Variants in MAPKAPK5 observed in about 807,000 individuals in gnomAD.
MAPKAPK5 encodes the protein MAPK activated protein kinase 5.
Under a neutral mutation model 65.1 loss-of-function variants are expected in MAPKAPK5, and 30 were observed. The observed-to-expected ratio is 0.46, with a 90% confidence interval of 0.34 to 0.63. MAPKAPK5 has a LOEUF of 0.63. Among genes scored for constraint, MAPKAPK5 ranks in the 20% least tolerant of loss-of-function variants. The pLI is 0.01. For missense variants in MAPKAPK5, 433 were observed against 581.4 expected (o/e 0.74, Z 2.63); for synonymous variants, 179 against 204.6 (o/e 0.87, Z 1.07).
rs895073134 is a variant in MAPKAPK5, at chr12:111,898,652, A to G, written c.*5591A>G. On this transcript the variant is annotated 3_prime_UTR_variant, in exon 14 of 14. Coordinates refer to ENST00000550735, the MANE Select transcript of MAPKAPK5 (RefSeq NM_003668.4). ...ATCTAAACTCATTTGTTATGAACCA[A>G]CGATAATGAGGGAAAACTTGGACAT... 1.3e-5 allele frequency: 2 copies of G among 152,218 alleles called. No homozygotes were observed. Among genetic ancestry groups the G allele is most frequent in the Non-Finnish European group, 2.9e-5 (2 of 68,038 alleles). The allele number at this position is 152,218 out of a possible 1,614,324, so 9.4% of individuals were successfully genotyped here. A position where few individuals can be genotyped will look rare whatever the true frequency, so the allele number is the denominator to read the frequency against.
intron 1 of MAPKAPK5, among the ~76,000 whole-genome samples, chr12:111,862,739 T>C (rs183404571): frequency 6.6e-6 from 1 of 152,264 alleles, no homozygotes; most frequent in Admixed American, 6.5e-5. Context: ...AGACAACTTA[T>C]TTTTACATCC....
At chr12:111,845,696 C>T (rs903494596) in intron 1 of MAPKAPK5, among the ~76,000 whole-genome samples, 2 of 152,012 alleles carry the variant, frequency 1.3e-5, no homozygotes, top group South Asian at 2.1e-4. Flanking sequence ...CCTAGGCGGG[C>T]GGATCACCTG....
chr12:111,847,344 CAA>C (rs58150812), intron 1 of MAPKAPK5, among the ~76,000 whole-genome samples: 9 of 103,268 alleles, frequency 8.7e-5, no homozygotes, highest in Admixed American at 1.1e-4. Context: ...TGAGACTCTG[CAA>C]AAAAAAAAAA....
rs1566277268 is a variant in MAPKAPK5, at chr12:111,888,943, A to G, written c.1159A>G (p.Asn387Asp). The stretch of plus-strand genomic sequence containing the variant: ...CCATGAGAATGGAGCCGAGGATTCC[A>G]ATGTTGCCTTGGAAAAACTCCGAGA... ...HDHENGAEDS[N>D]VALEKLRDVI... Residue 387 changes from asparagine to aspartate, a missense_variant, in exon 12 of 14, where the codon AAT becomes GAT. Asn to Asp is a conservative substitution (Grantham distance 23). Coordinates refer to ENST00000550735, the MANE Select transcript of MAPKAPK5 (RefSeq NM_003668.4). The G allele has an allele frequency of 1.2e-6, 2 of 1,612,216 alleles. No homozygotes were observed. Among genetic ancestry groups the G allele is most frequent in the Non-Finnish European group, 1.7e-6 (2 of 1,179,256 alleles).
intron 8 of MAPKAPK5, among the ~76,000 whole-genome samples, chr12:111,881,626 G>A (rs1460853219): frequency 1.4e-5 from 2 of 144,872 alleles, no homozygotes; most frequent in African/African-American, 5.1e-5. Context: ...GGTTGGTCCT[G>A]AATTCCTGAC....
Position 111,885,938 on chromosome 12 carries a change from G to C in MAPKAPK5, c.871G>C (p.Glu291Gln). 1 of 1,613,964 alleles carries C rather than the reference G, an allele frequency of 6.2e-7. No homozygotes were observed. Among genetic ancestry groups the C allele is most frequent in the Non-Finnish European group, 8.5e-7 (1 of 1,179,860 alleles). ...CAGGCTCCTGAAGGTCAAACCGGAG[G>C]AGAGACTCACCATCGAGGGAGTGCT... Reference protein sequence around the residue: ...VRKLLKVKPEERLTIEGVLDH... With the variant: ...VRKLLKVKPEQRLTIEGVLDH... Residue 291 changes from glutamate to glutamine, a missense_variant, in exon 10 of 14, where the codon GAG (glutamate) becomes CAG (glutamine). Transcript: ENST00000550735.
In MAPKAPK5 at chr12:111,894,004, C is replaced by G. The variant is rs1427750407; in HGVS notation, c.*943C>G. 6.4e-6 allele frequency: 1 copy of G among 155,904 alleles called. No homozygotes were observed. The highest frequency in any genetic ancestry group is 2.4e-5 in the African/African-American group (1 of 41,452). 9.7% of individuals were successfully genotyped at this position (155,904 alleles called of 1,614,324 possible). A position where few individuals can be genotyped will look rare whatever the true frequency, so the allele number is the denominator to read the frequency against. On this transcript the variant is annotated 3_prime_UTR_variant, in exon 14 of 14. Coordinates refer to ENST00000550735, the MANE Select transcript of MAPKAPK5 (RefSeq NM_003668.4). Reference sequence around the variant, plus strand: ...GTGCTGGGATTACAGGCGTGAGCCACTGTGCCCGGCCTTGGGTTTATTCTT... The same window carrying G: ...GTGCTGGGATTACAGGCGTGAGCCAGTGTGCCCGGCCTTGGGTTTATTCTT...
intron 10 of MAPKAPK5, chr12:111,887,885 GA>G (rs201653659): frequency 6.8e-5 from 10 of 146,852 alleles, no homozygotes; most frequent in African/African-American, 2.0e-4. Context: ...TACAAAAATG[GA>G]AAAAAAAATA....
At chr12:111,852,610 C>G (rs1292703892) in intron 1 of MAPKAPK5, among the ~76,000 whole-genome samples, 1 of 152,024 alleles carries the variant, frequency 6.6e-6, no homozygotes, top group Non-Finnish European at 1.5e-5. Flanking sequence ...TTTTTGACTG[C>G]CCAGGGTGTC....
intron 1 of MAPKAPK5, among the ~76,000 whole-genome samples, chr12:111,863,626 G>C (rs2069513439): frequency 6.9e-6 from 1 of 144,282 alleles, no homozygotes; most frequent in African/African-American, 2.6e-5. Flanking sequence ...TTTTTTTTGA[G>C]ATGGAGTTTT....
intron 1 of MAPKAPK5, among the ~76,000 whole-genome samples, chr12:111,856,943 C>T (rs922378049): frequency 6.6e-6 from 1 of 152,054 alleles, no homozygotes; most frequent in Admixed American, 6.6e-5. Context: ...TGTAAATTCT[C>T]TGTTGATTTT....
At chr12:111,877,769 C>T (rs926037721) in intron 7 of MAPKAPK5, among the ~76,000 whole-genome samples, 28 of 152,178 alleles carry the variant, frequency 1.8e-4, no homozygotes, top group African/African-American at 6.3e-4. Context: ...TAGCCTCAAC[C>T]TCCTGGGCTC....
chr12:111,843,554 A>G, intron 1 of MAPKAPK5: 1 of 307,952 alleles, frequency 3.2e-6, no homozygotes, highest in Non-Finnish European at 5.8e-6. Context: ...TTGATGTATT[A>G]TTTACTTATT....
In MAPKAPK5 at chr12:111,901,825, T is replaced by A. The variant is rs1388682761; in HGVS notation, c.*8764T>A. 6.4e-6 allele frequency: 1 copy of A among 156,462 alleles called. No individual in the cohort carries two copies. Among genetic ancestry groups the A allele is most frequent in the African/African-American group, 2.4e-5 (1 of 41,488 alleles). 9.7% of individuals were successfully genotyped at this position (156,462 alleles called of 1,614,324 possible). A position where few individuals can be genotyped will look rare whatever the true frequency, so the allele number is the denominator to read the frequency against. ...TGGCTCTGACTCAGATATACTGATG[T>A]AGAAGGAAGGATTCTTTCACTTTTA... On this transcript the variant is annotated 3_prime_UTR_variant, in exon 14 of 14. Coordinates refer to ENST00000550735, the MANE Select transcript of MAPKAPK5 (RefSeq NM_003668.4).
intron 1 of MAPKAPK5, among the ~76,000 whole-genome samples, chr12:111,863,538 A>G (rs1014089530): frequency 6.6e-6 from 1 of 151,620 alleles, no homozygotes; most frequent in Admixed American, 6.6e-5. Flanking sequence ...AGCGAGCGGG[A>G]TTCTTGTGCT....
At chr12:111,869,605 T>C (rs2069718441) in intron 5 of MAPKAPK5, among the ~76,000 whole-genome samples, 2 of 152,238 alleles carry the variant, frequency 1.3e-5, no homozygotes, top group Admixed American at 1.3e-4. Flanking sequence ...GAGGAACTGA[T>C]ACTTGGATTG....
chr12:111,867,541 C>G (rs748259595), intron 3 of MAPKAPK5, 31 bp from the exon 4 acceptor site: 1 of 1,528,628 alleles, frequency 6.5e-7, no homozygotes, highest in East Asian at 2.2e-5. Flanking sequence ...TATCCCCTAC[C>G]TATTGATACA....
intron 7 of MAPKAPK5, chr12:111,880,009 A>G (rs1342171998): frequency 4.7e-6 from 1 of 211,888 alleles, no homozygotes; most frequent in Non-Finnish European, 9.7e-6. Flanking sequence ...GAGGTTGGCC[A>G]GGATAATGGT....
chr12:111,851,494 T>C (rs1386114611), intron 1 of MAPKAPK5, among the ~76,000 whole-genome samples: 3 of 151,908 alleles, frequency 2.0e-5, no homozygotes, highest in African/African-American at 7.3e-5. Context: ...CCTGGCTAAT[T>C]TTTGTATTTT....
Sources: allele counts gnomAD v4.1 joint callset (sites outside exome capture counted in the v4.1 genomes callset), GRCh38; gene constraint gnomAD v4.1.1; transcripts MANE v1.5; gene names NCBI Gene and HGNC (gene_info 2026-07-23, HGNC 2026-07-21).